Variants in RGS9 observed in about 807,000 individuals in gnomAD.
The protein encoded by RGS9 is regulator of G-protein signalling 9.
A neutral mutation model predicts 102.0 loss-of-function variants in RGS9; 78 were observed. The ratio of observed to expected loss-of-function variants is 0.76; its 90% confidence interval spans 0.64 to 0.92. The LOEUF is 0.92. RGS9 is among the 40% of genes least tolerant of loss of function. The pLI, the probability that RGS9 is intolerant of heterozygous loss-of-function variation, is 0.00. For missense variants in RGS9, 833 were observed against 866.1 expected, an observed-to-expected ratio of 0.96 and a Z score of 0.48; for synonymous variants, 353 against 318.6, an observed-to-expected ratio of 1.11 and a Z score of -1.15.
intron 1 of RGS9, among the ~76,000 whole-genome samples, chr17:65,142,665 C>T (rs1361845810): frequency 2.0e-5 from 3 of 151,112 alleles, no homozygotes; most frequent in Non-Finnish European, 4.4e-5. Flanking sequence ...TAACGGTAAC[C>T]TCTGCCTCCC....
At chr17:65,160,098 T>TGTC in intron 3 of RGS9, 135 bp from the exon 4 acceptor site, 1 of 771,676 alleles carries the variant, frequency 1.3e-6, no homozygotes, top group Non-Finnish European at 2.3e-6. Flanking sequence ...CAGCAACCAG[T>TGTC]GTCCTCACTG....
At chr17:65,196,611 G>C (rs906079249) in intron 12 of RGS9, among the ~76,000 whole-genome samples, 2 of 151,096 alleles carry the variant, frequency 1.3e-5, no homozygotes, top group East Asian at 3.9e-4. Flanking sequence ...CTACTCCGAG[G>C]CACATGGCCT....
intron 13 of RGS9, 36 bp downstream of exon 13, chr17:65,197,277 T>G: frequency 1.5e-6 from 2 of 1,376,996 alleles, no homozygotes; most frequent in Non-Finnish European, 1.0e-6. Flanking sequence ...TTAAAATAAC[T>G]TACTTTTAGA....
rs75552525 is a variant in RGS9, at chr17:65,189,364, A to G, written c.684+49A>G. 4.7e-3 allele frequency: 6,642 copies of G among 1,400,444 alleles called. 247 individuals are homozygous for G. The African/African-American group carries it at 0.084, about 18-fold the overall frequency. The allele number at this position is 1,400,444 out of a possible 1,614,324, so 86.8% of individuals were successfully genotyped here. ...GAAGAATGGTTTTAAATCTTCTAACAGGTTATATGTACTTTGTTTTACCCT... is the reference window on the plus strand; with the variant it reads ...GAAGAATGGTTTTAAATCTTCTAACGGGTTATATGTACTTTGTTTTACCCT... On this transcript the variant is annotated intron_variant, in intron 10 of 18. Transcript: ENST00000262406.
chr17:65,142,252 C>CCCAAAA (rs1488014092), intron 1 of RGS9, among the ~76,000 whole-genome samples: 1 of 152,044 alleles, frequency 6.6e-6, no homozygotes, highest in Non-Finnish European at 1.5e-5. Flanking sequence ...TCAAAAAAAA[C>CCCAAAA]CCAAAAACCA....
At chr17:65,191,298 C>T (rs927912694) in intron 11 of RGS9, among the ~76,000 whole-genome samples, 3 of 152,070 alleles carry the variant, frequency 2.0e-5, no homozygotes, top group Non-Finnish European at 4.4e-5. Flanking sequence ...ACCCAGTTTC[C>T]AATTTTTATT....
In RGS9 at chr17:65,173,541, T is replaced by C. The variant is rs557937143; in HGVS notation, c.583-4191T>C. Among the ~76,000 whole-genome samples the C allele has an allele frequency of 6.6e-6, 1 of 152,252 alleles. No individual in the cohort carries two copies. Among genetic ancestry groups the C allele is most frequent in the African/African-American group, 2.4e-5 (1 of 41,556 alleles). The stretch of plus-strand genomic sequence containing the variant: ...CTCTTTGGCTTACACCCAAGGGATG[T>C]TGTTTGTGGGGGGCGGGGTCATACC... On this transcript the variant is annotated intron_variant, in intron 8 of 18. Transcript: ENST00000262406. This position sits in a 1 kb window ranked among gnomAD's most constrained non-coding sequence, Gnocchi z 4.8.
At chr17:65,175,996 C>T (rs1488234842) in intron 8 of RGS9, among the ~76,000 whole-genome samples, 1 of 152,166 alleles carries the variant, frequency 6.6e-6, no homozygotes, top group Admixed American at 6.5e-5. Context: ...AGTCTTACAT[C>T]TGAGCTAAAA....
intron 11 of RGS9, 84 bp from the exon 12 acceptor site, chr17:65,193,459 G>T: frequency 1.2e-6 from 1 of 847,652 alleles, no homozygotes; most frequent in Non-Finnish European, 2.1e-6. Context: ...AGGAAAAGAG[G>T]ACAGCCTGGT....
intron 11 of RGS9, among the ~76,000 whole-genome samples, chr17:65,192,709 A>C (rs1459531282): frequency 6.6e-6 from 1 of 152,132 alleles, no homozygotes; most frequent in East Asian, 1.9e-4. Flanking sequence ...GTATTTCCAT[A>C]ATAGCTAGAA....
At chr17:65,216,989 G>C (rs1913545094) in intron 17 of RGS9, among the ~76,000 whole-genome samples, 1 of 152,160 alleles carries the variant, frequency 6.6e-6, no homozygotes, top group African/African-American at 2.4e-5. Flanking sequence ...TGGATGGAGA[G>C]AGAAAAGAAG....
chr17:65,197,809 A>T (rs1912656023), intron 13 of RGS9, among the ~76,000 whole-genome samples: 2 of 151,684 alleles, frequency 1.3e-5, no homozygotes, highest in South Asian at 4.2e-4. Flanking sequence ...AGCTGGCGTT[A>T]CAGGTGCCTG....
chr17:65,139,316 T>C (rs1225272919), intron 1 of RGS9, among the ~76,000 whole-genome samples: 1 of 143,568 alleles, frequency 7.0e-6, no homozygotes, highest in African/African-American at 2.6e-5. Flanking sequence ...CTACACACAC[T>C]GTTTTTTTCC....
At chr17:65,191,277 A>T (rs1216127932) in intron 11 of RGS9, among the ~76,000 whole-genome samples, 1 of 152,232 alleles carries the variant, frequency 6.6e-6, no homozygotes, top group Non-Finnish European at 1.5e-5. Flanking sequence ...AGACCCAAGG[A>T]TAGTTCTTAG....
intron 17 of RGS9, among the ~76,000 whole-genome samples, chr17:65,218,249 C>T (rs1442820915): frequency 6.6e-6 from 1 of 152,240 alleles, no homozygotes; most frequent in Non-Finnish European, 1.5e-5. Context: ...ATGGGAAATG[C>T]TGTGGGATGG....
rs557147633 is a variant in RGS9, at chr17:65,211,649, C to T, written c.1407+1044C>T. The stretch of plus-strand genomic sequence containing the variant: ...TTAGAAGGTCATTCTCGAAGTTAGG[C>T]TCACTCCTTACACTTGTGCAAGAAT... On this transcript the variant is annotated intron_variant, in intron 17 of 18. Coordinates refer to ENST00000262406, the MANE Select transcript of RGS9 (RefSeq NM_003835.4). 1.7e-3 allele frequency among the ~76,000 whole-genome samples: 255 copies of T among 152,228 alleles called. 2 individuals are homozygous for T. Among genetic ancestry groups the T allele is most frequent in the African/African-American group, 6.0e-3 (250 of 41,528 alleles).
At chr17:65,147,423 G>A (rs1910406817) in intron 1 of RGS9, among the ~76,000 whole-genome samples, 1 of 151,966 alleles carries the variant, frequency 6.6e-6, no homozygotes, top group Non-Finnish European at 1.5e-5. Context: ...TCACCCCTCA[G>A]CATCAAGTTA....
chr17:65,219,664 C>T (rs775797633), intron 17 of RGS9, among the ~76,000 whole-genome samples: 12 of 152,156 alleles, frequency 7.9e-5, no homozygotes, highest in Non-Finnish European at 1.6e-4. Context: ...AGAGAAAAGG[C>T]TGCTTTCATT....
Position 65,208,013 on chromosome 17 carries a change from T to C in RGS9, c.1289+6T>C, listed in dbSNP as rs759071085. On this transcript the variant is annotated splice_donor_region_variant and intron_variant, in intron 16 of 18. Coordinates refer to ENST00000262406, the MANE Select transcript of RGS9 (RefSeq NM_003835.4). ...CAGGAAACCACCAAGAAAAGGCAAG[T>C]GGAATTATCTGTAATTGCTGGCTGC... 6.3e-7 allele frequency: 1 copy of C among 1,593,444 alleles called. No individual in the cohort carries two copies. Among genetic ancestry groups the C allele is most frequent in the Non-Finnish European group, 8.6e-7 (1 of 1,162,748 alleles).
Sources: allele counts gnomAD v4.1 joint callset (sites outside exome capture counted in the v4.1 genomes callset), GRCh38; gene constraint gnomAD v4.1.1; non-coding constraint Gnocchi (gnomAD v3.1); transcripts MANE v1.5; gene names NCBI Gene and HGNC (gene_info 2026-07-23, HGNC 2026-07-21).